The following FAM13A variants were observed in gnomAD, a reference collection of about 807,000 sequenced individuals.
FAM13A encodes family with sequence similarity 13 member A.
In FAM13A, 76 loss-of-function variants were observed where a neutral mutation model predicts 129.6. The ratio of observed to expected loss-of-function variants is 0.59; its 90% confidence interval spans 0.49 to 0.71. FAM13A has a LOEUF of 0.71. Among genes scored for constraint, FAM13A ranks in the 30% least tolerant of loss-of-function variants. The pLI is 0.00. For missense variants in FAM13A, 1,108 were observed against 1,249.3 expected, an observed-to-expected ratio of 0.89 and a Z score of 1.70; for synonymous variants, 443 against 449.9, an observed-to-expected ratio of 0.98 and a Z score of 0.20.
At chr4:88,914,383 T>C (rs1189583833) in intron 5 of FAM13A, among the ~76,000 whole-genome samples, 2 of 152,228 alleles carry the variant, frequency 1.3e-5, no homozygotes, top group Non-Finnish European at 2.9e-5. Flanking sequence ...CCCAATGATC[T>C]AGCTCTTGCC....
At chr4:88,920,283 T>G (rs1454255637) in intron 5 of FAM13A, among the ~76,000 whole-genome samples, 1 of 152,140 alleles carries the variant, frequency 6.6e-6, no homozygotes, top group African/African-American at 2.4e-5. Context: ...CCGAGCAGCC[T>G]AACTGGGAGG....
At chr4:88,897,455 G>C (rs1746544680) in intron 6 of FAM13A, among the ~76,000 whole-genome samples, 2 of 152,160 alleles carry the variant, frequency 1.3e-5, no homozygotes, top group Non-Finnish European at 1.5e-5. Context: ...CATTGCTCAA[G>C]AGCAGAGACA....
intron 4 of FAM13A, among the ~76,000 whole-genome samples, chr4:88,942,208 A>G (rs1448183303): frequency 1.3e-5 from 2 of 152,176 alleles, no homozygotes; most frequent in Non-Finnish European, 2.9e-5. Flanking sequence ...TAAGAGGTGC[A>G]CTTGAATCCC....
intron 2 of FAM13A, among the ~76,000 whole-genome samples, chr4:89,022,770 CTCTG>C (rs1341527993): frequency 1.3e-5 from 2 of 152,202 alleles, no homozygotes; most frequent in African/African-American, 4.8e-5. Context: ...CTCCCCCTCT[CTCTG>C]TCTGTCTGAT....
Position 88,930,114 on chromosome 4 carries a change from T to C in FAM13A, c.759+7974A>G, listed in dbSNP as rs533774173. ...TGATTTTCTGATTTCTTTGTACTGG[T>C]TTTCAGAATTATCTTGCATCTCATT... On this transcript the variant is annotated intron_variant, in intron 5 of 23. Coordinates refer to ENST00000264344, the MANE Select transcript of FAM13A (RefSeq NM_014883.4). Among the ~76,000 whole-genome samples the C allele has an allele frequency of 8.5e-5, 13 of 152,278 alleles. No individual in the cohort carries two copies. In the South Asian group the frequency reaches 2.7e-3, roughly 32 times the overall value.
At position 88,905,099 on chromosome 4, in the gene FAM13A, T is replaced by G. The variant is rs536108863; in HGVS notation, c.843+1280A>C. ...GTACCCTAGGAAGATCTACTGCACTTGACTATTTCCTATGTCAGAGGCTAG... is the reference window on the plus strand; with the variant it reads ...GTACCCTAGGAAGATCTACTGCACTGGACTATTTCCTATGTCAGAGGCTAG... On this transcript the variant is annotated intron_variant, in intron 6 of 23. Coordinates refer to ENST00000264344, the MANE Select transcript of FAM13A (RefSeq NM_014883.4). 4.6e-5 allele frequency among the ~76,000 whole-genome samples: 7 copies of G among 152,304 alleles called. No homozygotes were observed. The South Asian group carries it at 1.4e-3, about 32-fold the overall frequency.
chr4:88,807,493 C>T (rs1424291099), intron 7 of FAM13A, among the ~76,000 whole-genome samples: 1 of 152,164 alleles, frequency 6.6e-6, no homozygotes, highest in Non-Finnish European at 1.5e-5. Context: ...TCAGATGATG[C>T]AGCTAGTGAT....
At chr4:88,743,327 TG>T (rs911966787) in intron 19 of FAM13A, among the ~76,000 whole-genome samples, 1 of 152,248 alleles carries the variant, frequency 6.6e-6, no homozygotes, top group Non-Finnish European at 1.5e-5. Flanking sequence ...GTGACGGTTT[TG>T]GTCTTAGCTT....
chr4:88,874,139 T>G (rs1267369544), intron 6 of FAM13A, among the ~76,000 whole-genome samples: 4 of 152,184 alleles, frequency 2.6e-5, no homozygotes, highest in Admixed American at 2.6e-4. Flanking sequence ...GGAACATATC[T>G]CAAAATAATA....
At chr4:88,786,081 C>T (rs1450689325) in intron 10 of FAM13A, among the ~76,000 whole-genome samples, 1 of 152,144 alleles carries the variant, frequency 6.6e-6, no homozygotes, top group Non-Finnish European at 1.5e-5. Flanking sequence ...TGTCCCTGGG[C>T]TTGGGAAGCT....
At chr4:88,780,638 C>T (rs1722662928) in intron 11 of FAM13A, among the ~76,000 whole-genome samples, 1 of 152,016 alleles carries the variant, frequency 6.6e-6, no homozygotes. Flanking sequence ...AGGTCTGAGG[C>T]AACTACACAG....
chr4:88,788,070 T>C (rs1724343522), intron 9 of FAM13A, 138 bp from the exon 10 acceptor site: 2 of 595,216 alleles, frequency 3.4e-6, no homozygotes, highest in East Asian at 6.1e-5. Flanking sequence ...AGAGAGATGA[T>C]GAGGCATTAA....
chr4:88,965,593 T>C (rs1208262294), intron 4 of FAM13A, among the ~76,000 whole-genome samples: 1 of 152,148 alleles, frequency 6.6e-6, no homozygotes, highest in Non-Finnish European at 1.5e-5. Flanking sequence ...AAGATGAAAT[T>C]TGCCATCTTA....
intron 8 of FAM13A, among the ~76,000 whole-genome samples, chr4:88,800,603 T>C (rs1416837202): frequency 6.7e-6 from 1 of 149,916 alleles, no homozygotes; most frequent in Non-Finnish European, 1.5e-5. Flanking sequence ...GAGAATCACT[T>C]GAACCTGGGA....
intron 4 of FAM13A, among the ~76,000 whole-genome samples, chr4:88,988,192 T>C (rs1293908864): frequency 6.6e-6 from 1 of 152,122 alleles, no homozygotes; most frequent in Non-Finnish European, 1.5e-5. Context: ...AAAAAAGTTG[T>C]GGTTAAATAC....
chr4:88,863,770 GAA>G (rs1026856798), intron 6 of FAM13A, among the ~76,000 whole-genome samples: 1 of 152,070 alleles, frequency 6.6e-6, no homozygotes, highest in Non-Finnish European at 1.5e-5. Context: ...GATGTAGAAA[GAA>G]AAAGAGTTTT....
intron 4 of FAM13A, among the ~76,000 whole-genome samples, chr4:88,968,134 T>A (rs1759591190): frequency 2.0e-5 from 3 of 152,134 alleles, no homozygotes; most frequent in Admixed American, 6.5e-5. Context: ...GAAGAGAAGA[T>A]AAAAAGAACT....
intron 7 of FAM13A, among the ~76,000 whole-genome samples, chr4:88,808,692 C>T (rs1343731566): frequency 6.6e-6 from 1 of 152,010 alleles, no homozygotes; most frequent in Non-Finnish European, 1.5e-5. Flanking sequence ...TCCTTGGTTA[C>T]CAGTAAAAAC....
chr4:88,772,848 T>G (rs1341543827), intron 11 of FAM13A, among the ~76,000 whole-genome samples: 1 of 152,236 alleles, frequency 6.6e-6, no homozygotes, highest in Non-Finnish European at 1.5e-5. Flanking sequence ...ATACTCAAAG[T>G]ACAGCTTCTA....
Sources: allele counts gnomAD v4.1 joint callset (sites outside exome capture counted in the v4.1 genomes callset), GRCh38; gene constraint gnomAD v4.1.1; transcripts MANE v1.5; gene names NCBI Gene and HGNC (gene_info 2026-07-23, HGNC 2026-07-21).